Variants in DNAH8 observed in about 807,000 individuals in gnomAD.
The protein encoded by DNAH8 is axonemal beta dynein heavy chain 8.
A neutral mutation model predicts 562.1 loss-of-function variants in DNAH8; 382 were observed. The observed-to-expected ratio is 0.68, with a 90% CI of 0.63 to 0.74. DNAH8 has a LOEUF of 0.74. Among genes scored for constraint, DNAH8 ranks in the 30% least tolerant of loss-of-function variants. The pLI is 0.00. For missense variants in DNAH8, 5,203 were observed against 5,620.4 expected (o/e 0.93, Z 2.37); for synonymous variants, 1,881 against 1,919.4 (o/e 0.98, Z 0.52).
Position 38,896,573 on chromosome 6 carries a change from T to C in DNAH8, c.8940+348T>C, listed in dbSNP as rs537461602. On this transcript the variant is annotated intron_variant, in intron 60 of 92. Transcript: ENST00000327475. ...CTGGGTGACAGAATGAGACCCTGTC[T>C]CAAAAAAACAAACAAACAAACAAAC... 2.7e-4 allele frequency among the ~76,000 whole-genome samples: 40 copies of C among 148,540 alleles called. 1 individual carries two copies. The highest frequency in any genetic ancestry group is 1.6e-3 in the Admixed American group (24 of 14,720).
At chr6:38,898,868 G>T (rs886822822) in intron 61 of DNAH8, among the ~76,000 whole-genome samples, 2 of 152,066 alleles carry the variant, frequency 1.3e-5, no homozygotes, top group African/African-American at 4.8e-5. Flanking sequence ...CGAAAAAGGG[G>T]TGTTTTCACA....
Position 38,803,237 on chromosome 6 carries a change from C to A in DNAH8, c.2960C>A (p.Ala987Asp), listed in dbSNP as rs148508759. The A allele has an allele frequency of 6.2e-5, 99 of 1,608,936 alleles. No individual in the cohort carries two copies. The highest frequency in any genetic ancestry group is 6.3e-5 in the Non-Finnish European group (74 of 1,176,694). The stretch of plus-strand genomic sequence containing the variant: ...CACAAAAGTAAGCATGTGGAAGAAG[C>A]TGTCAGAGAACTTATATCAATATTT... ...LNHKSKHVEE[A>D]VRELISIFEQ... is the part of the protein sequence containing the mutation. The change falls in exon 22 of 93, where the codon GCT becomes GAT. Residue 987 changes from alanine to aspartate, a missense_variant. By Grantham distance (126) the Ala-to-Asp change is moderately radical. This residue lies in a region of DNAH8 where 2,176 missense variants were observed against 2,365.1 expected (regional missense o/e 0.92). Transcript: ENST00000327475.
rs1322318525 is a variant in DNAH8 at position 38,873,369 on chromosome 6, T to C, written c.7613T>C (p.Ile2538Thr). The change falls in exon 52 of 93, where the codon ATT (isoleucine) becomes ACT (threonine). Residue 2538 changes from isoleucine (I) to threonine (T), a missense_variant. By Grantham distance (89) the Ile-to-Thr change is moderately conservative (BLOSUM62 -1). Around this residue, in one of 6 missense-constraint regions of DNAH8, gnomAD observed 977 missense variants for 1,061.8 expected, o/e 0.92. Transcript: ENST00000327475. ...PKMQLLECNY[I>T]VQSLNLLEGL... is the part of the protein sequence containing the mutation. ...ATGCAGCTCTTGGAGTGCAACTATA[T>C]TGTGCAAGTAAGATTTTTTTTTGTA... is the stretch of plus-strand genomic sequence containing the variant. The C allele has an allele frequency of 3.1e-6, 5 of 1,591,230 alleles. No individual in the cohort carries two copies. The highest frequency in any genetic ancestry group is 1.4e-5 in the African/African-American group (1 of 73,640).
intron 82 of DNAH8, among the ~76,000 whole-genome samples, chr6:38,969,077 A>G (rs1763166230): frequency 6.6e-6 from 1 of 152,178 alleles, no homozygotes; most frequent in African/African-American, 2.4e-5. Flanking sequence ...TGGAATAGAG[A>G]CAAAGTAGAT....
chr6:38,729,640 A>G (rs1389879758), intron 3 of DNAH8, among the ~76,000 whole-genome samples: 2 of 152,184 alleles, frequency 1.3e-5, no homozygotes, highest in African/African-American at 4.8e-5. Context: ...GGACTCACCT[A>G]TTTAACCCCT....
At chr6:38,738,213 T>C (rs1349811912) in intron 7 of DNAH8, among the ~76,000 whole-genome samples, 1 of 152,180 alleles carries the variant, frequency 6.6e-6, no homozygotes, top group African/African-American at 2.4e-5. Flanking sequence ...GGGTTGAGAA[T>C]GAAAGAATGA....
At chr6:38,982,646 C>T (rs899463770) in intron 86 of DNAH8, among the ~76,000 whole-genome samples, 184 bp downstream of exon 86, 2 of 152,174 alleles carry the variant, frequency 1.3e-5, no homozygotes, top group Non-Finnish European at 2.9e-5. Flanking sequence ...CACTCACATA[C>T]CTCTGAAGCT....
At chr6:38,826,482 T>A (rs1247249168) in intron 29 of DNAH8, 91 bp downstream of exon 29, 6 of 807,102 alleles carry the variant, frequency 7.4e-6, no homozygotes, top group Non-Finnish European at 1.2e-5. Context: ...TTTAACATAT[T>A]CATCTATTAT....
intron 25 of DNAH8, 62 bp downstream of exon 25, chr6:38,814,191 T>C: frequency 1.1e-6 from 1 of 942,014 alleles, no homozygotes; most frequent in Non-Finnish European, 1.6e-6. Context: ...GTACTAGAAC[T>C]GAGCTTTCAT....
intron 24 of DNAH8, among the ~76,000 whole-genome samples, chr6:38,809,210 G>T (rs1010990435): frequency 1.3e-5 from 2 of 151,010 alleles, no homozygotes; most frequent in South Asian, 4.2e-4. Flanking sequence ...AATGTCTTTT[G>T]TCAGTTTTGC....
At chr6:38,984,915 C>T (rs764796768) in intron 87 of DNAH8, among the ~76,000 whole-genome samples, 95 of 152,182 alleles carry the variant, frequency 6.2e-4, no homozygotes, top group Non-Finnish European at 1.2e-3. Context: ...TGCCCAGGGC[C>T]TCTCCCCCAC....
chr6:38,982,632 C>G (rs941934382), intron 86 of DNAH8, among the ~76,000 whole-genome samples, 170 bp downstream of exon 86: 1 of 152,168 alleles, frequency 6.6e-6, no homozygotes, highest in Non-Finnish European at 1.5e-5. Context: ...GTCCCTGCCC[C>G]CAACACTCAC....
Position 38,973,935 on chromosome 6 carries a change from T to TA in DNAH8, c.12678+123dup, listed in dbSNP as rs1763507923. ...CTGTAGGGTCTGGACTGCAAGATCT[T>TA]ATACTATAATACTATAATCATCAAA... is the stretch of plus-strand genomic sequence containing the variant. On this transcript the variant is annotated intron_variant, in intron 84 of 92. Coordinates refer to ENST00000327475, the MANE Select transcript of DNAH8 (RefSeq NM_001206927.2). The TA allele has an allele frequency of 1.1e-5, 7 of 651,350 alleles. No individual in the cohort carries two copies. In the South Asian group the frequency reaches 1.5e-4, roughly 14 times the overall value. 40.3% of individuals were successfully genotyped at this position (651,350 alleles called of 1,614,324 possible). A position where few individuals can be genotyped will look rare whatever the true frequency, so the allele number is the denominator to read the frequency against.
At chr6:38,815,088 T>C (rs148434470) in intron 25 of DNAH8, among the ~76,000 whole-genome samples, 77 of 152,326 alleles carry the variant, frequency 5.1e-4, no homozygotes, top group African/African-American at 1.9e-3. Context: ...GTGTAGCTTC[T>C]TCAGTTACTT....
chr6:38,752,589 C>A (rs551902214), intron 9 of DNAH8, among the ~76,000 whole-genome samples: 40 of 151,274 alleles, frequency 2.6e-4, no homozygotes, highest in African/African-American at 9.5e-4. Flanking sequence ...GACCAACCTT[C>A]TTGGGTCAAT....
chr6:38,935,798 C>A, intron 77 of DNAH8, 101 bp downstream of exon 77: 2 of 813,950 alleles, frequency 2.5e-6, no homozygotes, highest in South Asian at 2.3e-5. Flanking sequence ...AGGAAATACT[C>A]ATGTTATCAA....
intron 18 of DNAH8, among the ~76,000 whole-genome samples, chr6:38,787,695 CAAAAAAAAAAA>C (rs67293877): frequency 1.3e-5 from 1 of 79,620 alleles, no homozygotes. Flanking sequence ...GACTCCATCT[CAAAAAAAAAAA>C]AAAAAAAAAA....
At chr6:38,981,256 G>A (rs1016574264) in intron 85 of DNAH8, among the ~76,000 whole-genome samples, 39 of 152,106 alleles carry the variant, frequency 2.6e-4, no homozygotes, top group African/African-American at 8.9e-4. Context: ...TATGTGTTGC[G>A]ATAGGAAAAG....
At chr6:38,865,447 T>G (rs540286488) in intron 45 of DNAH8, among the ~76,000 whole-genome samples, 1 of 152,310 alleles carries the variant, frequency 6.6e-6, no homozygotes, top group South Asian at 2.1e-4. Context: ...CAATTAGATA[T>G]TGCATTAAGC....
Sources: gnomAD v4.1 joint callset for allele counts (sites outside exome capture counted in the v4.1 genomes callset) on GRCh38, gnomAD v4.1.1 for gene constraint, gnomAD v4.1.1 regional missense constraint, MANE v1.5 for transcripts, NCBI Gene and HGNC (gene_info 2026-07-23, HGNC 2026-07-21) for gene names.